The following L3MBTL4 variants were observed in gnomAD, a reference collection of about 807,000 sequenced individuals.
L3MBTL4 encodes L3MBTL histone methyl-lysine binding protein 4, also known as lethal(3)malignant brain tumor-like protein 4.
In L3MBTL4, 70 loss-of-function variants were observed where a neutral mutation model predicts 84.5. That is an observed-to-expected ratio of 0.83 (90% confidence interval 0.68 to 1.01). L3MBTL4 has a LOEUF of 1.01. L3MBTL4 is among the 50% of genes least tolerant of loss of function. The pLI is 0.00. For missense variants in L3MBTL4, 715 were observed against 754.8 expected (o/e 0.95, Z 0.62); for synonymous variants, 274 against 259.8 (o/e 1.05, Z -0.52).
At chr18:6,090,411 A>C (rs2058404807) in intron 15 of L3MBTL4, among the ~76,000 whole-genome samples, 1 of 152,110 alleles carries the variant, frequency 6.6e-6, no homozygotes. Context: ...ATATAAGAGC[A>C]AACATGTTTT....
At chr18:6,045,010 A>AT (rs2056554105) in intron 16 of L3MBTL4, among the ~76,000 whole-genome samples, 1 of 152,254 alleles carries the variant, frequency 6.6e-6, no homozygotes, top group Non-Finnish European at 1.5e-5. Context: ...ACTATAGCTC[A>AT]TAAGCCTTGC....
At position 6,014,782 on chromosome 18, in the gene L3MBTL4, G is replaced by A. The variant is rs150183393; in HGVS notation, c.1445-45220C>T. Among the ~76,000 whole-genome samples the A allele has an allele frequency of 3.4e-3, 513 of 152,234 alleles. 1 individual carries two copies. Among genetic ancestry groups the A allele is most frequent in the African/African-American group, 0.012 (500 of 41,546 alleles). ...CCAAGAATATTGGGGAAACTTTGGC[G>A]AGCTTCAAGCAGAAACATTACTTGA... is the stretch of plus-strand genomic sequence containing the variant. On this transcript the variant is annotated intron_variant, in intron 16 of 18. Coordinates refer to ENST00000317931, the MANE Select transcript of L3MBTL4 (RefSeq NM_001330559.2).
At chr18:6,107,494 G>C (rs550464542) in intron 14 of L3MBTL4, among the ~76,000 whole-genome samples, 1 of 152,312 alleles carries the variant, frequency 6.6e-6, no homozygotes, top group South Asian at 2.1e-4. Flanking sequence ...GTCTGGGTAA[G>C]TGGCTGCAAC....
intron 1 of L3MBTL4, among the ~76,000 whole-genome samples, chr18:6,410,091 C>T (rs948272371): frequency 3.3e-5 from 5 of 152,194 alleles, no homozygotes; most frequent in African/African-American, 1.2e-4. Flanking sequence ...TCTAAATAAG[C>T]TGCACAGTCC....
chr18:6,097,302 T>C (rs902634785), intron 14 of L3MBTL4, among the ~76,000 whole-genome samples: 1 of 152,128 alleles, frequency 6.6e-6, no homozygotes, highest in African/African-American at 2.4e-5. Flanking sequence ...GGAAACAGAG[T>C]GATTACAATT....
chr18:6,368,492 G>A (rs908314880), intron 1 of L3MBTL4, among the ~76,000 whole-genome samples: 2 of 152,096 alleles, frequency 1.3e-5, no homozygotes, highest in Non-Finnish European at 2.9e-5. Context: ...GTCTGCCAAG[G>A]TCCCTGCTAA....
intron 16 of L3MBTL4, chr18:6,030,164 G>T: frequency 1.2e-6 from 1 of 816,894 alleles, no homozygotes; most frequent in Non-Finnish European, 1.5e-6. Context: ...TAAATAAACA[G>T]AACATATTTT....
intron 1 of L3MBTL4, among the ~76,000 whole-genome samples, chr18:6,391,510 G>A (rs1285290555): frequency 6.6e-6 from 1 of 151,902 alleles, no homozygotes; most frequent in Non-Finnish European, 1.5e-5. Flanking sequence ...AAGAAATAAA[G>A]GGGATCCAGA....
intron 1 of L3MBTL4, among the ~76,000 whole-genome samples, chr18:6,339,433 A>G (rs1158074429): frequency 6.6e-6 from 1 of 152,232 alleles, no homozygotes; most frequent in Non-Finnish European, 1.5e-5. Context: ...ATGTGAAAAT[A>G]GCTTCAACTG....
At chr18:6,079,217 A>C (rs1431853682) in intron 16 of L3MBTL4, among the ~76,000 whole-genome samples, 1 of 152,172 alleles carries the variant, frequency 6.6e-6, no homozygotes, top group East Asian at 1.9e-4. Flanking sequence ...CTAGACTAGA[A>C]AGCAGGCGTT....
chr18:6,169,908 A>T (rs976468932), intron 13 of L3MBTL4, among the ~76,000 whole-genome samples: 3 of 152,062 alleles, frequency 2.0e-5, no homozygotes, highest in African/African-American at 7.2e-5. Context: ...TCAATTTCAA[A>T]TCTGGAACTC....
intron 1 of L3MBTL4, among the ~76,000 whole-genome samples, chr18:6,400,149 T>G (rs1448030536): frequency 6.6e-6 from 1 of 152,172 alleles, no homozygotes; most frequent in African/African-American, 2.4e-5. Flanking sequence ...ATCATGACCT[T>G]GAGAAGTTGT....
rs139585210 is a variant in L3MBTL4, at chr18:6,189,123, G to T, written c.982-17181C>A. 4.7e-3 allele frequency among the ~76,000 whole-genome samples: 723 copies of T among 152,256 alleles called. 2 individuals are homozygous for T. Among genetic ancestry groups the T allele is most frequent in the Non-Finnish European group, 7.6e-3 (517 of 68,010 alleles). On this transcript the variant is annotated intron_variant, in intron 12 of 18. Transcript: ENST00000317931. ...CCTTTTCCAGTACCCTGTGGCTGCA[G>T]GTGGTTTCCTGGCTTCACATTGCAT... is the stretch of plus-strand genomic sequence containing the variant.
At chr18:6,363,779 A>C (rs1318180079) in intron 1 of L3MBTL4, among the ~76,000 whole-genome samples, 1 of 152,186 alleles carries the variant, frequency 6.6e-6, no homozygotes, top group African/African-American at 2.4e-5. Context: ...TCCCATGCCC[A>C]CTTAACCACT....
intron 1 of L3MBTL4, among the ~76,000 whole-genome samples, chr18:6,345,792 A>G (rs2052868422): frequency 6.6e-6 from 1 of 152,076 alleles, no homozygotes; most frequent in African/African-American, 2.4e-5. Flanking sequence ...CAAAATTCCA[A>G]TGGCATTTTT....
chr18:6,004,490 C>T (rs2054370436), intron 16 of L3MBTL4, among the ~76,000 whole-genome samples: 1 of 152,046 alleles, frequency 6.6e-6, no homozygotes, highest in Non-Finnish European at 1.5e-5. Flanking sequence ...TTACAGAAAA[C>T]TGAAGAGGGG....
At chr18:6,271,429 G>C (rs781089101) in intron 4 of L3MBTL4, among the ~76,000 whole-genome samples, 1 of 152,120 alleles carries the variant, frequency 6.6e-6, no homozygotes, top group African/African-American at 2.4e-5. Context: ...GCAGAAATTC[G>C]ATCAACAGGC....
intron 13 of L3MBTL4, among the ~76,000 whole-genome samples, chr18:6,163,376 G>A (rs928574925): frequency 6.6e-6 from 1 of 151,026 alleles, no homozygotes; most frequent in Admixed American, 6.6e-5. Flanking sequence ...TCACAAGCAT[G>A]TCTTAAAGTA....
intron 14 of L3MBTL4, among the ~76,000 whole-genome samples, chr18:6,136,193 T>G (rs1568180398): frequency 6.6e-6 from 1 of 152,166 alleles, no homozygotes; most frequent in Non-Finnish European, 1.5e-5. Context: ...GTGGGAATTT[T>G]GGGAGATACA....
Sources: allele counts gnomAD v4.1 joint callset (sites outside exome capture counted in the v4.1 genomes callset), GRCh38; gene constraint gnomAD v4.1.1; transcripts MANE v1.5; gene names NCBI Gene and HGNC (gene_info 2026-07-23, HGNC 2026-07-21).